The following SAMD12 variants were observed in gnomAD, a reference collection of about 807,000 sequenced individuals.
SAMD12 encodes the protein sterile alpha motif domain-containing protein 12.
In SAMD12, 9 loss-of-function variants were observed where a neutral mutation model predicts 15.0. The observed-to-expected ratio is 0.60, with a 90% CI of 0.36 to 1.05. SAMD12 has a LOEUF of 1.05. SAMD12 is among the 50% of genes least tolerant of loss of function. The pLI, the probability that SAMD12 is intolerant of heterozygous loss-of-function variation, is 0.01. For missense variants in SAMD12, 230 were observed against 234.2 expected (o/e 0.98, Z 0.12); for synonymous variants, 86 against 90.1 (o/e 0.96, Z 0.25).
chr8:118,245,473 C>A (rs1271506606), intron 4 of SAMD12, among the ~76,000 whole-genome samples: 1 of 152,084 alleles, frequency 6.6e-6, no homozygotes. Context: ...TTATGTAACT[C>A]TTATAACCCT....
At chr8:118,154,951 C>T in the SAMD12 span, among the ~76,000 whole-genome samples, 1 of 152,052 alleles carries the variant, frequency 6.6e-6, no homozygotes, top group African/African-American at 2.4e-5. Context: ...AGGCATAAAA[C>T]CAGGAGATAA....
intron 2 of SAMD12, among the ~76,000 whole-genome samples, chr8:118,468,492 C>T (rs1278405110): frequency 6.6e-6 from 1 of 152,156 alleles, no homozygotes; most frequent in African/African-American, 2.4e-5. Context: ...GCACACGGTT[C>T]TTCAGAGAGC....
At chr8:118,283,049 C>T (rs1231474413) in intron 4 of SAMD12, among the ~76,000 whole-genome samples, 2 of 152,070 alleles carry the variant, frequency 1.3e-5, no homozygotes, top group Non-Finnish European at 2.9e-5. Flanking sequence ...AGTATAGTGG[C>T]ATGTGGAATT....
intron 4 of SAMD12, among the ~76,000 whole-genome samples, chr8:118,254,100 C>A (rs1812876763): frequency 6.6e-6 from 1 of 152,134 alleles, no homozygotes; most frequent in African/African-American, 2.4e-5. Context: ...AAGCAGATTT[C>A]ATCCGTGTGA....
the SAMD12 span, among the ~76,000 whole-genome samples, chr8:118,154,554 C>T: frequency 0.3 from 45,571 of 152,050 alleles, 6,821 homozygotes; most frequent in Admixed American, 0.33. Flanking sequence ...AAATAACTTT[C>T]TGCACAAAGC....
rs190103035 is a variant in SAMD12 at position 118,514,795 on chromosome 8, T to C, written c.192+65920A>G. Among the ~76,000 whole-genome samples the C allele has an allele frequency of 1.2e-4, 18 of 152,308 alleles. No individual in the cohort carries two copies. The East Asian group carries it at 1.5e-3, about 13-fold the overall frequency. On this transcript the variant is annotated intron_variant, in intron 2 of 3. Transcript: ENST00000314727. ...AAACAGCGTTAGTAAAATAGTCTTT[T>C]TGTGCACTGAGGAAAGGACATCTGT...
chr8:118,180,494 A>T, the SAMD12 span, among the ~76,000 whole-genome samples: 12 of 152,008 alleles, frequency 7.9e-5, no homozygotes, highest in African/African-American at 2.9e-4. Context: ...AATGTGGCTC[A>T]TTCTGTCTAG....
chr8:118,507,225 A>G (rs917635901), intron 2 of SAMD12, among the ~76,000 whole-genome samples: 2 of 151,886 alleles, frequency 1.3e-5, no homozygotes, highest in Non-Finnish European at 2.9e-5. Flanking sequence ...AGTCTCCCCG[A>G]CTTGTTTAAA....
intron 2 of SAMD12, among the ~76,000 whole-genome samples, chr8:118,446,343 G>C (rs1449649563): frequency 1.3e-5 from 2 of 151,916 alleles, no homozygotes; most frequent in East Asian, 1.9e-4. Flanking sequence ...AGGACTCTCA[G>C]TAGTTAGTGG....
chr8:118,448,989 C>T (rs1436340538), intron 2 of SAMD12, among the ~76,000 whole-genome samples: 1 of 152,066 alleles, frequency 6.6e-6, no homozygotes, highest in Non-Finnish European at 1.5e-5. Flanking sequence ...TGAATAGCAC[C>T]GGCATCCTCT....
At chr8:118,387,390 C>T (rs958642958) in intron 3 of SAMD12, among the ~76,000 whole-genome samples, 1 of 152,162 alleles carries the variant, frequency 6.6e-6, no homozygotes, top group Non-Finnish European at 1.5e-5. Context: ...CTTGGAACCA[C>T]AATAACACAA....
chr8:118,147,486 G>A, the SAMD12 span, among the ~76,000 whole-genome samples: 1 of 150,952 alleles, frequency 6.6e-6, no homozygotes, highest in African/African-American at 2.4e-5. Context: ...TCAGCCTCCC[G>A]AGTAGCTGGG....
At chr8:118,563,562 TAAGA>T (rs1826767294) in intron 2 of SAMD12, among the ~76,000 whole-genome samples, 2 of 152,174 alleles carry the variant, frequency 1.3e-5, no homozygotes, top group African/African-American at 4.8e-5. Context: ...AAAAAATACT[TAAGA>T]AATAATCTAC....
chr8:118,265,116 T>G (rs1479477608), intron 4 of SAMD12, among the ~76,000 whole-genome samples: 1 of 152,128 alleles, frequency 6.6e-6, no homozygotes, highest in Non-Finnish European at 1.5e-5. Context: ...GACTTGTACA[T>G]CTTCAAAACA....
chr8:118,265,006 C>G (rs181890243), intron 4 of SAMD12, among the ~76,000 whole-genome samples: 52 of 152,240 alleles, frequency 3.4e-4, no homozygotes, highest in African/African-American at 1.3e-3. Context: ...AGTGGAACTG[C>G]ACTGCAATGA....
the SAMD12 span, among the ~76,000 whole-genome samples, chr8:118,152,596 T>C: frequency 6.6e-6 from 1 of 152,158 alleles, no homozygotes; most frequent in South Asian, 2.1e-4. Flanking sequence ...TTCACCAGTC[T>C]CAAACAATCC....
At chr8:118,159,617 T>C in the SAMD12 span, among the ~76,000 whole-genome samples, 1 of 152,216 alleles carries the variant, frequency 6.6e-6, no homozygotes, top group South Asian at 2.1e-4. Flanking sequence ...TCATGAAGCA[T>C]CAATAAAGTA....
At chr8:118,239,996 T>G (rs539298560) in intron 4 of SAMD12, 1 of 152,236 alleles carries the variant, frequency 6.6e-6, no homozygotes, top group Admixed American at 6.5e-5. Flanking sequence ...TGGCAATAAA[T>G]TCATTAATAA....
intron 2 of SAMD12, among the ~76,000 whole-genome samples, chr8:118,501,952 G>A (rs1478638310): frequency 2.0e-5 from 3 of 151,626 alleles, no homozygotes; most frequent in South Asian, 2.1e-4. Context: ...GTTGGGGGGC[G>A]GAGCTTGCAG....
Sources: gnomAD v4.1 joint callset for allele counts (sites outside exome capture counted in the v4.1 genomes callset) on GRCh38, gnomAD v4.1.1 for gene constraint, MANE v1.5 for transcripts, NCBI Gene and HGNC (gene_info 2026-07-23, HGNC 2026-07-21) for gene names.